The following PRRC2C variants were observed in gnomAD, a reference collection of about 807,000 sequenced individuals.
PRRC2C encodes the protein proline rich coiled-coil 2C, also known as protein PRRC2C.
PRRC2C carries 72 observed loss-of-function variants against 317.2 expected under a neutral mutation model. The ratio of observed to expected loss-of-function variants is 0.23; its 90% CI spans 0.19 to 0.28. The LOEUF (loss-of-function observed/expected upper bound fraction) is 0.28. PRRC2C is among the 10% of genes least tolerant of loss of function. The pLI is 1.00. For missense variants in PRRC2C, 3,074 were observed against 3,459.7 expected (o/e 0.89, Z 2.80); for synonymous variants, 1,296 against 1,205.9 (o/e 1.07, Z -1.55).
chr1:171,542,143 C>T lies in PRRC2C; in HGVS notation c.4677C>T (p.Asn1559=). The T allele has an allele frequency of 6.2e-7, 1 of 1,611,830 alleles. No individual in the cohort carries two copies. Among genetic ancestry groups the T allele is most frequent in the Non-Finnish European group, 8.5e-7 (1 of 1,179,012 alleles). The change falls in exon 16 of 35, where the codon AAC becomes AAT. Residue 1559 remains asparagine (N), a synonymous_variant. Coordinates refer to ENST00000647382, the MANE Select transcript of PRRC2C (RefSeq NM_001387844.1). ...RPVDRQNRRG[N]NGPPKSGRNF... ...TAGATCGTCAGAATCGACGTGGCAA[C>T]AATGGTCCACCCAAATCAGGAAGGA... is the stretch of plus-strand genomic sequence containing the variant.
intron 1 of PRRC2C, among the ~76,000 whole-genome samples, chr1:171,496,664 T>C (rs2102083070): frequency 6.6e-6 from 1 of 152,330 alleles, no homozygotes; most frequent in East Asian, 1.9e-4. Flanking sequence ...TTTTAATGGC[T>C]GCTGTCTAAA....
intron 24 of PRRC2C, among the ~76,000 whole-genome samples, chr1:171,572,151 T>A (rs903770927): frequency 2.0e-5 from 3 of 151,852 alleles, no homozygotes; most frequent in African/African-American, 4.8e-5. Context: ...TTTTTTAATT[T>A]AAAAAAAAAT....
chr1:171,557,605 C>G lies in PRRC2C; in HGVS notation c.5493C>G (p.Thr1831=), dbSNP rs1571994254. ...CCTCTACTTCAGCTGCAGCTATAACCTCTTCTTCAGCTCCAGCCTCAGCCC... is the reference window on the plus strand; with the variant it reads ...CCTCTACTTCAGCTGCAGCTATAACGTCTTCTTCAGCTCCAGCCTCAGCCC... ...VPASTSAAAI[T]SSSAPASAPA... The change falls in exon 19 of 35, where the codon ACC becomes ACG. Residue 1831 remains threonine (T), a synonymous_variant. Coordinates refer to ENST00000647382, the MANE Select transcript of PRRC2C (RefSeq NM_001387844.1). 1.3e-6 allele frequency: 2 copies of G among 1,551,572 alleles called. No individual in the cohort carries two copies. The highest frequency in any genetic ancestry group is 1.7e-6 in the Non-Finnish European group (2 of 1,146,990).
At chr1:171,556,501 G>C (rs911024266) in intron 18 of PRRC2C, among the ~76,000 whole-genome samples, 2 of 152,196 alleles carry the variant, frequency 1.3e-5, no homozygotes, top group African/African-American at 4.8e-5. Context: ...CCCGTCTTCT[G>C]CGTCAATCAC....
chr1:171,579,597 C>T (rs1648043928), intron 27 of PRRC2C, 131 bp downstream of exon 27: 4 of 1,412,286 alleles, frequency 2.8e-6, no homozygotes, highest in African/African-American at 2.9e-5. Flanking sequence ...ATTCTATAAG[C>T]AAAATTTAAA....
chr1:171,559,907 T>C (rs1261443574), intron 19 of PRRC2C, among the ~76,000 whole-genome samples: 1 of 152,168 alleles, frequency 6.6e-6, no homozygotes, highest in Non-Finnish European at 1.5e-5. Context: ...TATAAGCTTG[T>C]TGACAGGGCA....
At chr1:171,522,353 T>C (rs1673736173) in intron 7 of PRRC2C, 94 bp downstream of exon 7, 1 of 815,334 alleles carries the variant, frequency 1.2e-6, no homozygotes. Flanking sequence ...AGTTGTGTAA[T>C]TGATCGTTTT....
At chr1:171,556,915 A>G (rs899544862) in intron 18 of PRRC2C, among the ~76,000 whole-genome samples, 5 of 152,282 alleles carry the variant, frequency 3.3e-5, no homozygotes, top group African/African-American at 1.2e-4. Context: ...TGTGGCAAAT[A>G]TATGAGTTAA....
chr1:171,565,297 G>A (rs1683445415), intron 20 of PRRC2C, among the ~76,000 whole-genome samples: 1 of 152,176 alleles, frequency 6.6e-6, no homozygotes, highest in African/African-American at 2.4e-5. Flanking sequence ...TACCAGTCTA[G>A]TAGCTGGTCT....
At chr1:171,584,669 C>A (rs759000493) in intron 30 of PRRC2C, 143 bp downstream of exon 30, 7 of 943,608 alleles carry the variant, frequency 7.4e-6, no homozygotes, top group Non-Finnish European at 7.6e-6. Flanking sequence ...CTGAAGAATT[C>A]CACTGGGTCC....
rs373909749 is a variant in PRRC2C at position 171,541,358 on chromosome 1, A to G, written c.3892A>G (p.Lys1298Glu). 4.9e-5 allele frequency: 79 copies of G among 1,611,682 alleles called. No homozygotes were observed. Among genetic ancestry groups the G allele is most frequent in the Non-Finnish European group, 6.4e-5 (76 of 1,179,354 alleles). ...CAAAAGAGAGGAACGGCCTGAAAACAAAAAACCTGTAAAGCCTCATTCTTC... is the reference window on the plus strand; with the variant it reads ...CAAAAGAGAGGAACGGCCTGAAAACGAAAAACCTGTAAAGCCTCATTCTTC... ...LPKREERPEN[K>E]KPVKPHSSFK... Residue 1298 changes from lysine (K) to glutamate (E), a missense_variant, in exon 16 of 35, where the codon AAA becomes GAA. Transcript: ENST00000647382. The surrounding 1 kb of genome is among the most constrained non-coding windows in gnomAD (Gnocchi z 4.1).
chr1:171,558,121 G>T lies in PRRC2C; in HGVS notation c.6009G>T (p.Val2003=). The change falls in exon 19 of 35, where the codon GTG becomes GTT. Residue 2003 remains valine (V), a synonymous_variant. Coordinates refer to ENST00000647382, the MANE Select transcript of PRRC2C (RefSeq NM_001387844.1). The part of the protein sequence containing the change: ...LWDNKVAPPA[V]LNDISKKLGP... ...ATAACAAGGTGGCCCCACCAGCTGT[G>T]CTGAATGATATCTCTAAGAAATGTA... 6.2e-7 allele frequency: 1 copy of T among 1,612,700 alleles called. No individual in the cohort carries two copies. The highest frequency in any genetic ancestry group is 8.5e-7 in the Non-Finnish European group (1 of 1,178,986).
intron 7 of PRRC2C, among the ~76,000 whole-genome samples, 160 bp from the exon 8 acceptor site, chr1:171,523,061 T>C (rs1673907686): frequency 6.6e-6 from 1 of 152,208 alleles, no homozygotes. Flanking sequence ...TCATTATGTA[T>C]TAATATTAAT....
Position 171,587,050 on chromosome 1 carries a change from A to T in PRRC2C, c.7797A>T (p.Gly2599=), listed in dbSNP as rs1242879318. The T allele has an allele frequency of 6.2e-7, 1 of 1,611,774 alleles. No homozygotes were observed. Among genetic ancestry groups the T allele is most frequent in the Non-Finnish European group, 8.5e-7 (1 of 1,178,946 alleles). ...PASQLSLPNF[G]STGQPLIALP... is the part of the protein sequence containing the mutation. Reference sequence around the variant, plus strand: ...CGCAGCTTTCCTTGCCTAATTTTGGATCTACAGGGCAACCTCTAATTGCTT... The same window carrying T: ...CGCAGCTTTCCTTGCCTAATTTTGGTTCTACAGGGCAACCTCTAATTGCTT... The change falls in exon 31 of 35, where the codon GGA becomes GGT. Residue 2599 remains glycine, a synonymous_variant. Coordinates refer to ENST00000647382, the MANE Select transcript of PRRC2C (RefSeq NM_001387844.1).
At chr1:171,537,494 A>G in intron 15 of PRRC2C, 21 bp downstream of exon 15, 1 of 1,535,038 alleles carries the variant, frequency 6.5e-7, no homozygotes, top group South Asian at 1.2e-5. Flanking sequence ...ATTTCAATTT[A>G]ATAGATGATA....
chr1:171,514,371 A>G (rs1388218225), intron 3 of PRRC2C, among the ~76,000 whole-genome samples, 165 bp from the exon 4 acceptor site: 4 of 152,216 alleles, frequency 2.6e-5, no homozygotes, highest in East Asian at 1.9e-4. Flanking sequence ...AAAAATAGCC[A>G]TAATTCATTT....
Position 171,588,425 on chromosome 1 carries a change from A to G in PRRC2C, c.8119A>G (p.Ile2707Val). ...CAGCCAGTCCAGCAAAATGAACAGCATTGTCTACCAGAAGCAGTTCCAGTC... is the reference window on the plus strand; with the variant it reads ...CAGCCAGTCCAGCAAAATGAACAGCGTTGTCTACCAGAAGCAGTTCCAGTC... ...PNSQSSKMNS[I>V]VYQKQFQSAP... Residue 2707 changes from isoleucine (I) to valine (V), a missense_variant, in exon 33 of 35, where the codon ATT becomes GTT. Physicochemically the swap from Ile to Val is conservative, Grantham distance 29 (BLOSUM62 3). Transcript: ENST00000647382. The G allele has an allele frequency of 6.2e-7, 1 of 1,613,616 alleles. No individual in the cohort carries two copies.
intron 1 of PRRC2C, among the ~76,000 whole-genome samples, chr1:171,498,481 C>G (rs978394324): frequency 1.3e-5 from 2 of 152,150 alleles, no homozygotes; most frequent in African/African-American, 4.8e-5. Context: ...TCCTAAAGAC[C>G]CCACCTCTTA....
In PRRC2C at chr1:171,550,221, A is replaced by G; in HGVS notation, c.5108A>G (p.Lys1703Arg). The G allele has an allele frequency of 6.3e-7, 1 of 1,599,374 alleles. No individual in the cohort carries two copies. The highest frequency in any genetic ancestry group is 8.5e-7 in the Non-Finnish European group (1 of 1,172,562). ...TTACAGGATGAAGAACGCCGAAAGA[A>G]GGAAGAACAAGTCATACAGGTTTAA... Reference protein sequence around the residue: ...KRLQDEERRKKEEQVIQVWNK... With the variant: ...KRLQDEERRKREEQVIQVWNK... The change falls in exon 18 of 35, where the codon AAG becomes AGG. Residue 1703 changes from lysine to arginine, a missense_variant. This residue lies in a region of PRRC2C where 640 missense variants were observed against 676.1 expected (regional missense o/e 0.95). Coordinates refer to ENST00000647382, the MANE Select transcript of PRRC2C (RefSeq NM_001387844.1).
Sources: allele counts gnomAD v4.1 joint callset (sites outside exome capture counted in the v4.1 genomes callset), GRCh38; gene constraint gnomAD v4.1.1; regional missense constraint gnomAD v4.1.1; non-coding constraint Gnocchi (gnomAD v3.1); transcripts MANE v1.5; gene names NCBI Gene and HGNC (gene_info 2026-07-23, HGNC 2026-07-21).